MMS22L: variants seen among roughly 807,000 people sequenced by gnomAD.
MMS22L encodes the protein MMS22 like, DNA repair protein.
In MMS22L, 74 loss-of-function variants were observed where a neutral mutation model predicts 159.1. The ratio of observed to expected loss-of-function variants is 0.47; its 90% CI spans 0.39 to 0.56. The LOEUF is 0.56. MMS22L is among the 20% of genes least tolerant of loss of function. MMS22L has a pLI of 0.00. For missense variants in MMS22L, 1,351 were observed against 1,422.1 expected (o/e 0.95, Z 0.80); for synonymous variants, 517 against 506.9 (o/e 1.02, Z -0.27).
At chr6:97,194,723 A>G (rs1806295346) in intron 14 of MMS22L, among the ~76,000 whole-genome samples, 1 of 152,212 alleles carries the variant, frequency 6.6e-6, no homozygotes, top group African/African-American at 2.4e-5. Flanking sequence ...ACAAAGTATA[A>G]GATTGTTTTA....
chr6:97,169,971 AG>A (rs1300251200), intron 19 of MMS22L, among the ~76,000 whole-genome samples: 4 of 151,926 alleles, frequency 2.6e-5, no homozygotes, highest in African/African-American at 4.8e-5. Flanking sequence ...TATTTTGACG[AG>A]GGGGTGGGGA....
At chr6:97,169,408 T>C (rs1012793791) in intron 19 of MMS22L, among the ~76,000 whole-genome samples, 2 of 152,106 alleles carry the variant, frequency 1.3e-5, no homozygotes, top group Non-Finnish European at 2.9e-5. Flanking sequence ...CAGTGGTACA[T>C]CTACTGCATA....
intron 14 of MMS22L, among the ~76,000 whole-genome samples, chr6:97,187,836 A>G (rs1032546962): frequency 6.6e-6 from 1 of 152,204 alleles, no homozygotes; most frequent in Non-Finnish European, 1.5e-5. Context: ...ATTTCGCATA[A>G]CTACCCAAGA....
chr6:97,226,115 G>A (rs576945720), intron 14 of MMS22L, among the ~76,000 whole-genome samples: 7 of 152,160 alleles, frequency 4.6e-5, no homozygotes, highest in South Asian at 4.1e-4. Flanking sequence ...TTAAATAAAC[G>A]TAAACTGGTA....
At chr6:97,164,562 C>A (rs1292704499) in intron 21 of MMS22L, among the ~76,000 whole-genome samples, 2 of 151,774 alleles carry the variant, frequency 1.3e-5, no homozygotes, top group African/African-American at 4.8e-5. Context: ...CAGGGTGCTT[C>A]ATTTCCAATA....
At chr6:97,165,549 T>A (rs946473911) in intron 20 of MMS22L, 92 bp from the exon 21 acceptor site, 4 of 993,952 alleles carry the variant, frequency 4.0e-6, no homozygotes, top group Non-Finnish European at 5.9e-6. Context: ...CCAGCATTAA[T>A]AATCATGTGA....
At chr6:97,271,085 A>G in intron 6 of MMS22L, 1 of 152,218 alleles carries the variant, frequency 6.6e-6, no homozygotes, top group African/African-American at 2.4e-5. Flanking sequence ...TTAAAAAATA[A>G]AAGAAGCTCA....
intron 11 of MMS22L, among the ~76,000 whole-genome samples, chr6:97,241,946 T>C (rs1488069008): frequency 1.3e-5 from 2 of 152,260 alleles, no homozygotes; most frequent in Admixed American, 1.3e-4. Flanking sequence ...TTTCCAATTT[T>C]ATTCCACTGT....
At chr6:97,195,785 A>C (rs1806429092) in intron 14 of MMS22L, among the ~76,000 whole-genome samples, 1 of 152,192 alleles carries the variant, frequency 6.6e-6, no homozygotes. Context: ...ATGGGTCAGA[A>C]CAAGAACTGA....
At chr6:97,209,391 A>G (rs1188647337) in intron 14 of MMS22L, among the ~76,000 whole-genome samples, 1 of 152,030 alleles carries the variant, frequency 6.6e-6, no homozygotes, top group Admixed American at 6.6e-5. Context: ...CAACTAGAGA[A>G]TATCTTGTGC....
Position 97,278,917 on chromosome 6 carries a change from G to T in MMS22L, c.291-19C>A. 1 of 1,607,432 alleles carries T rather than the reference G, an allele frequency of 6.2e-7. No individual in the cohort carries two copies. The highest frequency in any genetic ancestry group is 8.5e-7 in the Non-Finnish European group (1 of 1,176,046). On this transcript the variant is annotated intron_variant, in intron 3 of 24. Coordinates refer to ENST00000683635, the MANE Select transcript of MMS22L (RefSeq NM_001350599.2). ...TTGTTGCCTAATTTTAAAAATGTAA[G>T]GTGAGAGTTAATTTTAGAACACTTT...
chr6:97,191,276 G>C (rs1805836990), intron 14 of MMS22L, among the ~76,000 whole-genome samples: 1 of 152,104 alleles, frequency 6.6e-6, no homozygotes, highest in African/African-American at 2.4e-5. Flanking sequence ...TAGTAACTTA[G>C]GCAGGCTTCT....
At chr6:97,200,711 G>C (rs1194453724) in intron 14 of MMS22L, among the ~76,000 whole-genome samples, 3 of 152,034 alleles carry the variant, frequency 2.0e-5, no homozygotes, top group Non-Finnish European at 4.4e-5. Flanking sequence ...ACTACAAAAA[G>C]ATCACCGATT....
At chr6:97,179,334 T>A (rs963816264) in intron 17 of MMS22L, 74 bp downstream of exon 17, 18 of 1,285,880 alleles carry the variant, frequency 1.4e-5, no homozygotes, top group Non-Finnish European at 1.7e-5. Flanking sequence ...ATTAATTACA[T>A]AACAAATGAT....
At chr6:97,168,281 C>T (rs1803184275) in intron 19 of MMS22L, 41 bp from the exon 20 acceptor site, 1 of 1,565,998 alleles carries the variant, frequency 6.4e-7, no homozygotes, top group African/African-American at 1.4e-5. Context: ...TTGTTATCCT[C>T]TGACCAGAAC....
At chr6:97,279,441 AC>A (rs1280395867) in intron 3 of MMS22L, among the ~76,000 whole-genome samples, 3 of 151,788 alleles carry the variant, frequency 2.0e-5, no homozygotes, top group Non-Finnish European at 4.4e-5. Flanking sequence ...CAGAGATCGC[AC>A]CACTGCACTC....
At chr6:97,262,313 C>T (rs1027951729) in intron 9 of MMS22L, among the ~76,000 whole-genome samples, 8 of 151,848 alleles carry the variant, frequency 5.3e-5, no homozygotes, top group Non-Finnish European at 1.5e-5. Flanking sequence ...AAAATAAATA[C>T]AGTACTTGCA....
At chr6:97,150,786 C>T (rs756142227) in intron 23 of MMS22L, among the ~76,000 whole-genome samples, 58 of 152,034 alleles carry the variant, frequency 3.8e-4, no homozygotes, top group Non-Finnish European at 6.6e-4. Flanking sequence ...AGGAAACGAA[C>T]GCAAATTATT....
chr6:97,277,416 A>T (rs1456625246), intron 4 of MMS22L, among the ~76,000 whole-genome samples: 1 of 152,060 alleles, frequency 6.6e-6, no homozygotes, highest in Non-Finnish European at 1.5e-5. Flanking sequence ...TCCATCTCAA[A>T]AAATAATAAT....
Sources: allele counts gnomAD v4.1 joint callset (sites outside exome capture counted in the v4.1 genomes callset), GRCh38; gene constraint gnomAD v4.1.1; transcripts MANE v1.5; gene names NCBI Gene and HGNC (gene_info 2026-07-23, HGNC 2026-07-21).